The following PPP2R5C variants were observed in gnomAD, a reference collection of about 807,000 sequenced individuals.
PPP2R5C encodes the protein serine/threonine-protein phosphatase 2A 56 kDa regulatory subunit gamma isoform.
PPP2R5C carries 7 observed loss-of-function variants against 68.9 expected under a neutral mutation model. That is an observed-to-expected ratio of 0.10 (90% CI 0.06 to 0.19). The LOEUF (loss-of-function observed/expected upper bound fraction) is 0.19. PPP2R5C is among the 10% of genes least tolerant of loss of function. The pLI is 1.00. For missense variants in PPP2R5C, 348 were observed against 641.3 expected, an observed-to-expected ratio of 0.54 and a Z score of 4.94; for synonymous variants, 210 against 222.2, an observed-to-expected ratio of 0.95 and a Z score of 0.49.
chr14:101,890,560 A>G (rs1433646523), intron 6 of PPP2R5C, among the ~76,000 whole-genome samples: 1 of 152,198 alleles, frequency 6.6e-6, no homozygotes, highest in Non-Finnish European at 1.5e-5. Context: ...ACACAATTCC[A>G]GTTATTTCCT....
intron 2 of PPP2R5C, among the ~76,000 whole-genome samples, chr14:101,780,499 T>C (rs2037622432): frequency 6.6e-6 from 1 of 152,158 alleles, no homozygotes; most frequent in South Asian, 2.1e-4. Context: ...GCTGCTTGCA[T>C]GTAACAGGGC....
intron 13 of PPP2R5C, among the ~76,000 whole-genome samples, chr14:101,922,698 G>A (rs2141209809): frequency 6.6e-6 from 1 of 150,724 alleles, no homozygotes; most frequent in Admixed American, 6.6e-5. Flanking sequence ...CGTGCCTGTA[G>A]TCCTAGCTAC....
intron 2 of PPP2R5C, among the ~76,000 whole-genome samples, chr14:101,772,964 C>G (rs1302350087): frequency 1.3e-5 from 2 of 152,158 alleles, no homozygotes; most frequent in Non-Finnish European, 2.9e-5. Flanking sequence ...AGGCTGGGCT[C>G]TGGAGTCAGG....
At chr14:101,811,792 T>C (rs938742333) in intron 1 of PPP2R5C, among the ~76,000 whole-genome samples, 1 of 152,272 alleles carries the variant, frequency 6.6e-6, no homozygotes, top group African/African-American at 2.4e-5. Flanking sequence ...CCTAATATAC[T>C]ACTCAGTTTT....
rs1280927215 is a variant in PPP2R5C at position 101,891,539 on chromosome 14, T to G, written c.689+1243T>G. On this transcript the variant is annotated intron_variant, in intron 6 of 13. Transcript: ENST00000334743. This position sits in a 1 kb window ranked among gnomAD's most constrained non-coding sequence, Gnocchi z 4.9. ...GCATCCTCGCATTTCCCTCCTAGGT[T>G]GTTGCAGGGACCGGAGCGCTGTATG... Among the ~76,000 whole-genome samples, 1 of 152,096 alleles carries G rather than the reference T, an allele frequency of 6.6e-6. No individual in the cohort carries two copies. Among genetic ancestry groups the G allele is most frequent in the Admixed American group, 6.5e-5 (1 of 15,280 alleles).
In PPP2R5C at chr14:101,781,570, T is replaced by C. The variant is rs1047865623; in HGVS notation, c.94-4448T>C. On this transcript the variant is annotated intron_variant, in intron 2 of 14. Transcript: ENST00000328724. This position sits in a 1 kb window ranked among gnomAD's most constrained non-coding sequence, Gnocchi z 6.4. The stretch of plus-strand genomic sequence containing the variant: ...GCACCCCTCTGCCCCAACCACGTTT[T>C]CTCAAGAGTGTTGTCTGTCCCGGCC... Among the ~76,000 whole-genome samples the C allele has an allele frequency of 3.3e-5, 5 of 151,996 alleles. No homozygotes were observed. The highest frequency in any genetic ancestry group is 1.2e-4 in the African/African-American group (5 of 41,398).
chr14:101,883,236 C>G (rs888205395), intron 3 of PPP2R5C, 21 bp from the exon 6 acceptor site: 2 of 1,449,418 alleles, frequency 1.4e-6, no homozygotes, highest in Non-Finnish European at 1.9e-6. Flanking sequence ...TTATTTGACT[C>G]ATTGTTTTTT....
At chr14:101,872,219 C>CTTTTTTTTTTTTTTTTTTTT (rs386382344) in intron 2 of PPP2R5C, among the ~76,000 whole-genome samples, 2 of 91,196 alleles carry the variant, frequency 2.2e-5, no homozygotes, top group Admixed American at 1.3e-4. Flanking sequence ...TTTCTTTTGC[C>CTTTTTTTTTTTTTTTTTTTT]TTTTTTTTTT....
At chr14:101,809,835 A>C (rs1247764887), upstream of PPP2R5C, 62 of 1,466,464 alleles carry the variant, frequency 4.2e-5, no homozygotes, top group Non-Finnish European at 5.4e-5. Context: ...CGAACCAGCC[A>C]GTTCCCTCCA....
At chr14:101,905,529 C>T (rs1341665650) in intron 9 of PPP2R5C, among the ~76,000 whole-genome samples, 2 of 149,956 alleles carry the variant, frequency 1.3e-5, no homozygotes, top group African/African-American at 2.5e-5. Context: ...TGGTGGCGTG[C>T]GCCTGTAATC....
chr14:101,829,831 G>GTGCTGCTTAGTCTCACTTTGGTTGT (rs2040628606), intron 1 of PPP2R5C, among the ~76,000 whole-genome samples: 1 of 152,058 alleles, frequency 6.6e-6, no homozygotes, highest in Non-Finnish European at 1.5e-5. Context: ...GTCTTCAAAG[G>GTGCTGCTTAGTCTCACTTTGGTTGT]TGCTGCTTAG....
intron 1 of PPP2R5C, among the ~76,000 whole-genome samples, chr14:101,826,661 A>G (rs1245803979): frequency 1.3e-5 from 2 of 152,096 alleles, no homozygotes; most frequent in Non-Finnish European, 2.9e-5. Flanking sequence ...ATGTAATGAT[A>G]TGTGTGTTTC....
At chr14:101,912,620 T>C (rs765205286) in intron 12 of PPP2R5C, 147 bp downstream of exon 14, 28 of 1,331,248 alleles carry the variant, frequency 2.1e-5, no homozygotes, top group Non-Finnish European at 2.6e-5. Flanking sequence ...CTTTTAAACT[T>C]TGTAACCCTC....
At chr14:101,867,246 T>C (rs1595417747) in intron 2 of PPP2R5C, among the ~76,000 whole-genome samples, 1 of 150,316 alleles carries the variant, frequency 6.7e-6, no homozygotes, top group East Asian at 2.0e-4. Context: ...AAGAGAAAGT[T>C]TTTTAATAGC....
In PPP2R5C at chr14:101,762,797, T is replaced by C. The variant is rs568230592; in HGVS notation, c.28-108T>C. 5.0e-5 allele frequency: 45 copies of C among 894,342 alleles called. No individual in the cohort carries two copies. The South Asian group carries it at 6.0e-4, about 12-fold the overall frequency. The allele number at this position is 894,342 out of a possible 1,614,324, so 55.4% of individuals were successfully genotyped here. ...TTCCTAATGGTATGAATTAAAAATA[T>C]CAGAAGCTGTAGTTGTATAAATCAC... On this transcript the variant is annotated intron_variant, in intron 1 of 14. Transcript: ENST00000328724.
chr14:101,836,556 T>G, intron 1 of PPP2R5C: 1 of 565,886 alleles, frequency 1.8e-6, no homozygotes, highest in Non-Finnish European at 3.2e-6. Context: ...TCTTTAAATA[T>G]AATATCTCTA....
intron 1 of PPP2R5C, among the ~76,000 whole-genome samples, chr14:101,853,267 A>G (rs1474941804): frequency 6.6e-6 from 1 of 152,180 alleles, no homozygotes; most frequent in African/African-American, 2.4e-5. Flanking sequence ...CTTTTAAAAA[A>G]AAAATAGTCA....
At chr14:101,920,543 T>G (rs189883455) in intron 13 of PPP2R5C, among the ~76,000 whole-genome samples, 1 of 152,326 alleles carries the variant, frequency 6.6e-6, no homozygotes, top group East Asian at 1.9e-4. Flanking sequence ...CTATGAATTA[T>G]GTTCCTGAGT....
chr14:101,812,550 C>A (rs2039426522), intron 1 of PPP2R5C, among the ~76,000 whole-genome samples: 1 of 152,152 alleles, frequency 6.6e-6, no homozygotes, highest in Non-Finnish European at 1.5e-5. Context: ...TGTTTTGGAT[C>A]TTTTTAAAAA....
Sources: allele counts gnomAD v4.1 joint callset (sites outside exome capture counted in the v4.1 genomes callset), GRCh38; gene constraint gnomAD v4.1.1; non-coding constraint Gnocchi (gnomAD v3.1); transcripts MANE v1.5; gene names NCBI Gene and HGNC (gene_info 2026-07-23, HGNC 2026-07-21).